Variants in ADCY10 observed in about 807,000 individuals in gnomAD.
The protein encoded by ADCY10 is adenylate cyclase 10.
Under a neutral mutation model 183.3 loss-of-function variants are expected in ADCY10, and 156 were observed. The observed-to-expected ratio is 0.85, with a 90% confidence interval of 0.75 to 0.97. The LOEUF (loss-of-function observed/expected upper bound fraction) is 0.97, where lower values mean the gene tolerates loss of function less well. Among genes scored for constraint, ADCY10 ranks in the 50% least tolerant of loss-of-function variants. ADCY10 has a pLI of 0.00. For synonymous variants in ADCY10, 645 were observed against 670.0 expected (o/e 0.96, Z 0.58); for missense variants, 1,745 against 1,934.3 (o/e 0.90, Z 1.84).
chr1:167,906,456 C>T (rs1423390735), intron 1 of ADCY10, among the ~76,000 whole-genome samples: 1 of 151,734 alleles, frequency 6.6e-6, no homozygotes, highest in African/African-American at 2.4e-5. Context: ...AAATAAATAA[C>T]TTCAGATAGT....
intron 8 of ADCY10, among the ~76,000 whole-genome samples, chr1:167,891,535 A>C (rs760300023): frequency 3.0e-4 from 46 of 151,738 alleles, no homozygotes; most frequent in Non-Finnish European, 5.3e-4. Flanking sequence ...GGGCGCCTGT[A>C]GTCCCAGCTA....
At chr1:167,844,617 T>TA (rs1355935475) in intron 21 of ADCY10, among the ~76,000 whole-genome samples, 2 of 152,152 alleles carry the variant, frequency 1.3e-5, no homozygotes, top group African/African-American at 4.8e-5. Flanking sequence ...AACCACAATT[T>TA]AAAAAATCTA....
At position 167,835,762 on chromosome 1, in the gene ADCY10, C is replaced by T. The variant is rs530419451; in HGVS notation, c.3309+547G>A. The stretch of plus-strand genomic sequence containing the variant: ...AAAATTAGCTGGGCATGGTGGCATA[C>T]GTCTGCAGTCCCAGCTACTCAGGAG... On this transcript the variant is annotated intron_variant, in intron 23 of 32. Transcript: ENST00000367851. Among the ~76,000 whole-genome samples the T allele has an allele frequency of 4.6e-5, 7 of 152,236 alleles. No homozygotes were observed. The East Asian group carries it at 7.7e-4, about 17-fold the overall frequency.
chr1:167,838,592 T>C (rs1195671489), intron 21 of ADCY10, among the ~76,000 whole-genome samples: 1 of 152,230 alleles, frequency 6.6e-6, no homozygotes, highest in African/African-American at 2.4e-5. Flanking sequence ...AAACCTCAGT[T>C]TGGTCCTGGG....
intron 21 of ADCY10, among the ~76,000 whole-genome samples, chr1:167,843,023 C>G (rs564077748): frequency 1.3e-5 from 2 of 152,086 alleles, no homozygotes; most frequent in African/African-American, 4.8e-5. Flanking sequence ...TTTGTCGAGT[C>G]GATAGCCTTC....
chr1:167,835,621 G>A (rs960525987), intron 23 of ADCY10, among the ~76,000 whole-genome samples: 2 of 152,182 alleles, frequency 1.3e-5, no homozygotes, highest in African/African-American at 4.8e-5. Context: ...GGGCACAGTG[G>A]CTCACACTTG....
Position 167,880,527 on chromosome 1 carries a change from T to A in ADCY10, c.1103A>T (p.Asp368Val). 6.2e-7 allele frequency: 1 copy of A among 1,613,974 alleles called. No homozygotes were observed. The highest frequency in any genetic ancestry group is 1.3e-5 in the African/African-American group (1 of 74,976). The change falls in exon 10 of 33, where the codon GAT becomes GTT. Residue 368 changes from aspartate (D) to valine (V), a missense_variant. By Grantham distance (152) the Asp-to-Val change is radical. Coordinates refer to ENST00000367851, the MANE Select transcript of ADCY10 (RefSeq NM_018417.6). The stretch of plus-strand genomic sequence containing the variant: ...GACTTGAGAGCAGAAGTCAAATATA[T>A]CCATAGCACATTCCAGAGCATGAGT... ...ELTHALECAMDIFDFCSQVHK... is the reference protein window; with the variant it reads ...ELTHALECAMVIFDFCSQVHK...
chr1:167,832,899 C>A (rs1663859912), intron 25 of ADCY10, 88 bp downstream of exon 25: 4 of 1,432,330 alleles, frequency 2.8e-6, no homozygotes, highest in Non-Finnish European at 3.9e-6. Context: ...CCCCTGGAGG[C>A]CAGGCTTTGG....
At chr1:167,829,217 T>C in intron 26 of ADCY10, 50 bp downstream of exon 26, 1 of 1,609,234 alleles carries the variant, frequency 6.2e-7, no homozygotes, top group Non-Finnish European at 8.5e-7. Flanking sequence ...AGGCTTTTCT[T>C]CCCAAATGAA....
intron 21 of ADCY10, 128 bp downstream of exon 21, chr1:167,845,435 T>A: frequency 1.1e-6 from 1 of 947,530 alleles, no homozygotes. Flanking sequence ...TGCTGAAGTC[T>A]CATCATTCTT....
rs538462140 is a variant in ADCY10, at chr1:167,853,830, C to CTTTTTTTTTTTTTTTTTTTTTTTTTTT, written c.2308+522_2308+523insAAAAAAAAAAAAAAAAAAAAAAAAAAA. On this transcript the variant is annotated intron_variant, in intron 18 of 32. Transcript: ENST00000367851. ...TGTTCTTTCATTTCTACTATAGTTA[C>CTTTTTTTTTTTTTTTTTTTTTTTTTTT]TTTTTTTTTTTTTTTTTTTTTTTTT... Among the ~76,000 whole-genome samples the CTTTTTTTTTTTTTTTTTTTTTTTTTTT allele has an allele frequency of 2.6e-4, 20 of 77,190 alleles. 4 individuals are homozygous for CTTTTTTTTTTTTTTTTTTTTTTTTTTT. The highest frequency in any genetic ancestry group is 3.3e-4 in the African/African-American group (6 of 18,132). 50.6% of individuals were successfully genotyped at this position (77,190 alleles called of 152,430 possible). A position where few individuals can be genotyped will look rare whatever the true frequency, so the allele number is the denominator to read the frequency against.
intron 8 of ADCY10, among the ~76,000 whole-genome samples, chr1:167,891,906 G>A (rs1349195917): frequency 6.6e-6 from 1 of 151,730 alleles, no homozygotes; most frequent in African/African-American, 2.4e-5. Context: ...CTGGTTTCAT[G>A]TAATTTTATT....
chr1:167,856,027 GAA>G, intron 17 of ADCY10, 136 bp downstream of exon 17: 1 of 999,520 alleles, frequency 1.0e-6, no homozygotes, highest in Non-Finnish European at 1.5e-6. Flanking sequence ...AAAAAGAAAA[GAA>G]AAATTTTTTA....
At chr1:167,911,012 T>C (rs1670112495) in intron 1 of ADCY10, among the ~76,000 whole-genome samples, 1 of 152,230 alleles carries the variant, frequency 6.6e-6, no homozygotes, top group African/African-American at 2.4e-5. Context: ...TCTCCTCACA[T>C]GCATAGTATA....
chr1:167,828,349 A>T (rs1663467337), intron 26 of ADCY10, among the ~76,000 whole-genome samples: 1 of 152,184 alleles, frequency 6.6e-6, no homozygotes, highest in Non-Finnish European at 1.5e-5. Context: ...AAAATCTTTG[A>T]TGTGTACTTT....
chr1:167,879,105 G>A (rs939931090), intron 11 of ADCY10, among the ~76,000 whole-genome samples: 22 of 152,212 alleles, frequency 1.4e-4, no homozygotes, highest in African/African-American at 4.1e-4. Flanking sequence ...TAGAAGAGGC[G>A]TGCATGGAGG....
intron 11 of ADCY10, among the ~76,000 whole-genome samples, chr1:167,879,433 A>G (rs203845): frequency 0.11 from 16,925 of 152,114 alleles, 2,970 homozygotes; most frequent in African/African-American, 0.38. Flanking sequence ...TTTGAAAACT[A>G]TTTATTGTGG....
chr1:167,896,712 A>G (rs114923961), intron 6 of ADCY10, 21 bp from the exon 7 acceptor site: 132 of 1,499,794 alleles, frequency 8.8e-5, no homozygotes, highest in Admixed American at 1.2e-4. Flanking sequence ...GCAAATGAGA[A>G]GTTTTCAGTT....
At chr1:167,832,465 C>A (rs1395950837) in intron 25 of ADCY10, among the ~76,000 whole-genome samples, 1 of 152,160 alleles carries the variant, frequency 6.6e-6, no homozygotes, top group Non-Finnish European at 1.5e-5. Flanking sequence ...ATGCCCAAAT[C>A]TTAACAGTAC....
Sources: allele counts gnomAD v4.1 joint callset (sites outside exome capture counted in the v4.1 genomes callset), GRCh38; gene constraint gnomAD v4.1.1; transcripts MANE v1.5; gene names NCBI Gene and HGNC (gene_info 2026-07-23, HGNC 2026-07-21).